Variants in PRR5 observed in about 807,000 individuals in gnomAD.
PRR5 encodes the protein proline-rich protein 5.
PRR5 carries 25 observed loss-of-function variants against 30.6 expected under a neutral mutation model. The observed-to-expected ratio is 0.82, with a 90% CI of 0.60 to 1.14. The LOEUF is 1.14. PRR5 is among the 50% of genes most tolerant of loss of function. The pLI, the probability that PRR5 is intolerant of heterozygous loss-of-function variation, is 0.00. For synonymous variants in PRR5, 286 were observed against 247.1 expected (o/e 1.16, Z -1.48); for missense variants, 600 against 547.1 (o/e 1.10, Z -0.96).
chr22:44,717,874 A>C (rs6007258), intron 2 of PRR5, among the ~76,000 whole-genome samples: 53,719 of 151,240 alleles, frequency 0.36, 9,752 homozygotes, highest in South Asian at 0.56. Context: ...TGCCACCACG[A>C]CCGGCTAATT....
chr22:44,670,223 G>A (rs1923346976), intron 1 of PRR5, among the ~76,000 whole-genome samples: 1 of 152,192 alleles, frequency 6.6e-6, no homozygotes, highest in Admixed American at 6.5e-5. Flanking sequence ...GTGTCCCTGG[G>A]CAAGCCGCTC....
chr22:44,718,280 C>T (rs556935832), intron 2 of PRR5, among the ~76,000 whole-genome samples: 60 of 144,624 alleles, frequency 4.1e-4, no homozygotes, highest in African/African-American at 1.3e-3. Flanking sequence ...CTGCAACCTC[C>T]GCCTCCCGGG....
intron 1 of PRR5, among the ~76,000 whole-genome samples, chr22:44,690,371 G>A (rs1042309066): frequency 2.0e-5 from 3 of 152,132 alleles, no homozygotes; most frequent in African/African-American, 2.4e-5. Flanking sequence ...AGGAGGGCCA[G>A]GGACTGTTGG....
chr22:44,737,223 TG>T lies in PRR5; in HGVS notation c.1148del (p.Gly383AlafsTer17). The T allele has an allele frequency of 1.2e-6, 2 of 1,605,536 alleles. No homozygotes were observed. The highest frequency in any genetic ancestry group is 1.7e-6 in the Non-Finnish European group (2 of 1,174,274). On this transcript the variant is annotated frameshift_variant, in exon 8 of 8. Coordinates refer to ENST00000336985, the MANE Select transcript of PRR5 (RefSeq NM_181333.4). LOFTEE classifies it high-confidence loss of function. Reference protein sequence around the residue: ...GSGMSDLEGSGGRQSVV With the variant: ...GSGMSDLEGSXGRQSVV ...CTGGCATGTCCGACTTGGAGGGCTCTGGGGGCCGGCAGAGTGTCGTGTGAGG... is the reference window on the plus strand; with the variant it reads ...CTGGCATGTCCGACTTGGAGGGCTCTGGGGCCGGCAGAGTGTCGTGTGAGG...
In PRR5 at chr22:44,731,901, C is replaced by T. The variant is rs943053951; in HGVS notation, c.414+80C>T. On this transcript the variant is annotated intron_variant, in intron 5 of 7. Coordinates refer to ENST00000336985, the MANE Select transcript of PRR5 (RefSeq NM_181333.4). ...GGCCTCACTCTACAGAGGGGGGCCG[C>T]CAGGCTTGGGGACACACACACCTGC... The T allele has an allele frequency of 9.1e-6, 13 of 1,428,106 alleles. No homozygotes were observed. In the African/African-American group the frequency reaches 1.4e-4, roughly 16 times the overall value. 88.5% of individuals were successfully genotyped at this position (1,428,106 alleles called of 1,614,324 possible). A position where few individuals can be genotyped will look rare whatever the true frequency, so the allele number is the denominator to read the frequency against.
intron 4 of PRR5, chr22:44,729,890 C>G: frequency 3.0e-6 from 3 of 985,492 alleles, no homozygotes; most frequent in Non-Finnish European, 2.4e-6. Flanking sequence ...AACTGAGCTG[C>G]CTTTCTTCCT....
chr22:44,684,816 G>T (rs1283949350), intron 1 of PRR5, among the ~76,000 whole-genome samples: 4 of 152,252 alleles, frequency 2.6e-5, no homozygotes, highest in Admixed American at 2.6e-4. Context: ...CCACTTGGCC[G>T]TGCTGGGTGA....
At chr22:44,687,397 A>G (rs1601959980) in intron 1 of PRR5, among the ~76,000 whole-genome samples, 2 of 152,190 alleles carry the variant, frequency 1.3e-5, no homozygotes, top group African/African-American at 4.8e-5. Context: ...TACGGCTGTC[A>G]CAGGCCTGGG....
intron 6 of PRR5, 125 bp downstream of exon 6, chr22:44,732,516 G>A: frequency 2.2e-6 from 3 of 1,393,332 alleles, no homozygotes; most frequent in Non-Finnish European, 2.9e-6. Flanking sequence ...CCCGATCAGA[G>A]GAGAAGCCTG....
At chr22:44,733,432 A>C (rs1471198293) in intron 6 of PRR5, among the ~76,000 whole-genome samples, 1 of 152,208 alleles carries the variant, frequency 6.6e-6, no homozygotes, top group African/African-American at 2.4e-5. Flanking sequence ...ATCCCCGTGA[A>C]GCTCTTTTAA....
chr22:44,730,895 T>C (rs3761485), intron 4 of PRR5: 232,296 of 455,408 alleles, frequency 0.51, 63,581 homozygotes, highest in East Asian at 0.71. Flanking sequence ...CACCCCTGGC[T>C]ACTGCCCTTA....
At chr22:44,736,747 T>C in intron 7 of PRR5, 25 bp from the exon 8 acceptor site, 1 of 1,526,422 alleles carries the variant, frequency 6.6e-7, no homozygotes, top group Non-Finnish European at 8.8e-7. Flanking sequence ...GCCTCTGGTG[T>C]GACAGTGCCC....
At position 44,737,632 on chromosome 22, in the gene PRR5, T is replaced by TG. The variant is rs1923522425; in HGVS notation, c.*389dup. On this transcript the variant is annotated 3_prime_UTR_variant, in exon 8 of 8. Transcript: ENST00000336985. ...TCCAGCACACCTGTCTCCTCCTGCC[T>TG]GGGGTGGCCATGGGGATGGAAGGGG... 4.8e-6 allele frequency: 1 copy of TG among 207,338 alleles called. No individual in the cohort carries two copies. 12.8% of individuals were successfully genotyped at this position (207,338 alleles called of 1,614,324 possible). A position where few individuals can be genotyped will look rare whatever the true frequency, so the allele number is the denominator to read the frequency against.
intron 1 of PRR5, among the ~76,000 whole-genome samples, chr22:44,685,153 G>A (rs1172443433): frequency 6.6e-6 from 1 of 152,178 alleles, no homozygotes; most frequent in African/African-American, 2.4e-5. Flanking sequence ...TGGCCTGTAG[G>A]TCTGCCCCAG....
At chr22:44,717,189 CTTT>C (rs57193514) in intron 2 of PRR5, among the ~76,000 whole-genome samples, 2 of 116,752 alleles carry the variant, frequency 1.7e-5, no homozygotes, top group Non-Finnish European at 3.3e-5. Context: ...CCCCCTTACC[CTTT>C]TTTTTTTTTT....
upstream of PRR5, among the ~76,000 whole-genome samples, chr22:44,697,692 C>T (rs956953354): frequency 1.6e-4 from 25 of 152,316 alleles, no homozygotes; most frequent in South Asian, 1.2e-3. Context: ...GGAGAGTGGG[C>T]GAGATGGAGG....
intron 1 of PRR5, among the ~76,000 whole-genome samples, chr22:44,709,454 C>T (rs571599983): frequency 1.0e-3 from 158 of 152,254 alleles, no homozygotes; most frequent in Non-Finnish European, 1.5e-3. Flanking sequence ...AGAATGTGGG[C>T]ACCTCTGGGA....
At chr22:44,677,358 A>T (rs1923855594) in intron 1 of PRR5, 1 of 152,334 alleles carries the variant, frequency 6.6e-6, no homozygotes, top group Non-Finnish European at 1.5e-5. Flanking sequence ...GGTCTGTCTG[A>T]GTCCAAGACC....
At chr22:44,724,002 A>G (rs528680495) in intron 2 of PRR5, among the ~76,000 whole-genome samples, 2 of 152,360 alleles carry the variant, frequency 1.3e-5, no homozygotes, top group South Asian at 2.1e-4. Flanking sequence ...GTCAGTGATC[A>G]TTGTACACAT....
Sources: gnomAD v4.1 joint callset for allele counts (sites outside exome capture counted in the v4.1 genomes callset) on GRCh38, gnomAD v4.1.1 for gene constraint, MANE v1.5 for transcripts, NCBI Gene and HGNC (gene_info 2026-07-23, HGNC 2026-07-21) for gene names.